The following ORC4 variants were observed in gnomAD, a reference collection of about 807,000 sequenced individuals.
ORC4 encodes the protein origin recognition complex subunit 4, also known as origin recognition complex, subunit 4 homolog.
A neutral mutation model predicts 63.9 loss-of-function variants in ORC4; 55 were observed. That is an observed-to-expected ratio of 0.86 (90% CI 0.69 to 1.08). The LOEUF (loss-of-function observed/expected upper bound fraction) is 1.08, where lower values mean the gene tolerates loss of function less well. Among genes scored for constraint, ORC4 ranks in the 50% least tolerant of loss-of-function variants. The pLI, the probability that ORC4 is intolerant of heterozygous loss-of-function variation, is 0.00. For missense variants in ORC4, 511 were observed against 504.4 expected (o/e 1.01, Z -0.13); for synonymous variants, 150 against 168.5 (o/e 0.89, Z 0.85).
At chr2:147,935,824 C>T (rs974701694) in intron 13 of ORC4, 126 bp from the exon 14 acceptor site, 1 of 725,110 alleles carries the variant, frequency 1.4e-6, no homozygotes, top group Middle Eastern at 3.9e-4. Context: ...CAAAATGTAA[C>T]AACAATCAAT....
chr2:147,949,273 A>G (rs577017436), intron 8 of ORC4, among the ~76,000 whole-genome samples: 75 of 152,182 alleles, frequency 4.9e-4, no homozygotes, highest in African/African-American at 1.7e-3. Context: ...TTTGGTAATA[A>G]AAAGGAATAA....
chr2:147,984,174 T>C (rs1312607164), intron 1 of ORC4, among the ~76,000 whole-genome samples: 4 of 152,116 alleles, frequency 2.6e-5, no homozygotes, highest in Admixed American at 2.0e-4. Context: ...CCAGTGTGCC[T>C]AACCTGTCTT....
chr2:147,958,491 A>G, intron 5 of ORC4, 108 bp from the exon 6 acceptor site: 1 of 767,996 alleles, frequency 1.3e-6, no homozygotes, highest in South Asian at 1.6e-5. Flanking sequence ...CTGTGAGTTC[A>G]TATCACTTTC....
At chr2:147,990,731 C>T (rs551660723) in intron 1 of ORC4, among the ~76,000 whole-genome samples, 2 of 152,248 alleles carry the variant, frequency 1.3e-5, no homozygotes, top group South Asian at 4.1e-4. Flanking sequence ...ATTAAAAGGA[C>T]ACAATTTACT....
rs887638476 is a variant in ORC4 at position 148,020,693 on chromosome 2, C to T, written c.-78G>A. The T allele has an allele frequency of 6.6e-6, 1 of 152,532 alleles. No individual in the cohort carries two copies. Among genetic ancestry groups the T allele is most frequent in the Non-Finnish European group, 1.5e-5 (1 of 68,332 alleles). 9.4% of individuals were successfully genotyped at this position (152,532 alleles called of 1,614,324 possible). A position where few individuals can be genotyped will look rare whatever the true frequency, so the allele number is the denominator to read the frequency against. ...GCTTCACCGAATCGCCTGGCCGCGT[C>T]CTCTGCTAGACTTCACCTGCCGCTG... On this transcript the variant is annotated 5_prime_UTR_variant, in exon 1 of 14. Transcript: ENST00000392857.
intron 2 of ORC4, among the ~76,000 whole-genome samples, chr2:147,975,204 C>T (rs570997976): frequency 1.3e-5 from 2 of 152,254 alleles, no homozygotes; most frequent in East Asian, 3.9e-4. Flanking sequence ...CATTTCCCTA[C>T]TAATCTATAA....
At position 147,958,331 on chromosome 2, in the gene ORC4, T is replaced by C. The variant is rs780266719; in HGVS notation, c.354A>G (p.Leu118=). 9.3e-6 allele frequency: 15 copies of C among 1,612,242 alleles called. No individual in the cohort carries two copies. The South Asian group carries it at 1.6e-4, about 18-fold the overall frequency. The part of the protein sequence containing the change: ...KIALKEITRQ[L]NLENVVGDKV... Reference sequence around the variant, plus strand: ...TATCTCCAACTACATTTTCCAGATTTAACTGCCTTGTGATTTCCTTTAGGG... The same window carrying C: ...TATCTCCAACTACATTTTCCAGATTCAACTGCCTTGTGATTTCCTTTAGGG... Residue 118 remains leucine, a synonymous_variant, in exon 6 of 14, where the codon TTA becomes TTG. Coordinates refer to ENST00000392857, the MANE Select transcript of ORC4 (RefSeq NM_181741.4).
Position 147,973,363 on chromosome 2 carries a change from T to C in ORC4, c.134+85A>G. The C allele has an allele frequency of 3.6e-6, 3 of 840,334 alleles. 1 individual carries two copies. In the South Asian group the frequency reaches 4.2e-5, roughly 12 times the overall value. The allele number at this position is 840,334 out of a possible 1,614,324, so 52.1% of individuals were successfully genotyped here. A position where few individuals can be genotyped will look rare whatever the true frequency, so the allele number is the denominator to read the frequency against. The stretch of plus-strand genomic sequence containing the variant: ...AAAAGTGTTTGTTAGCTTTATTTAA[T>C]ATCAAATTTGTACAATAATTTTTGC... On this transcript the variant is annotated intron_variant, in intron 3 of 13. Coordinates refer to ENST00000392857, the MANE Select transcript of ORC4 (RefSeq NM_181741.4).
intron 1 of ORC4, among the ~76,000 whole-genome samples, chr2:147,984,937 G>A (rs1231085163): frequency 6.6e-6 from 1 of 152,102 alleles, no homozygotes; most frequent in African/African-American, 2.4e-5. Flanking sequence ...CAACTGAGGT[G>A]GCTTATTTAT....
At chr2:147,992,868 C>A (rs1669977027) in intron 1 of ORC4, among the ~76,000 whole-genome samples, 1 of 152,158 alleles carries the variant, frequency 6.6e-6, no homozygotes, top group African/African-American at 2.4e-5. Context: ...TCCCTTTCCC[C>A]AAAGCCAGCC....
chr2:147,987,037 AT>A (rs929165898), intron 1 of ORC4, among the ~76,000 whole-genome samples: 35 of 148,440 alleles, frequency 2.4e-4, no homozygotes, highest in African/African-American at 3.2e-4. Context: ...ACTTAAAACT[AT>A]TTTTTTTTTA....
intron 1 of ORC4, among the ~76,000 whole-genome samples, chr2:147,999,963 A>C (rs1692198621): frequency 6.6e-6 from 1 of 151,994 alleles, no homozygotes; most frequent in Non-Finnish European, 1.5e-5. Context: ...TAAGAAAATT[A>C]TACAGAGATC....
Position 147,931,645 on chromosome 2 carries a change from G to T in ORC4, c.*3865C>A, listed in dbSNP as rs1465419261. 6.6e-6 allele frequency: 1 copy of T among 152,110 alleles called. No homozygotes were observed. Among genetic ancestry groups the T allele is most frequent in the East Asian group, 1.9e-4 (1 of 5,188 alleles). 9.4% of individuals were successfully genotyped at this position (152,110 alleles called of 1,614,324 possible). On this transcript the variant is annotated 3_prime_UTR_variant, in exon 14 of 14. Transcript: ENST00000392857. ...GCTTCATCCCTGGGATGCAAGGCTGGTTCAATATACGCAAATCAATGAATG... is the reference window on the plus strand; with the variant it reads ...GCTTCATCCCTGGGATGCAAGGCTGTTTCAATATACGCAAATCAATGAATG...
intron 2 of ORC4, 104 bp downstream of exon 2, chr2:147,975,798 T>C: frequency 1.3e-6 from 1 of 775,656 alleles, no homozygotes. Flanking sequence ...AAAGAGTGAT[T>C]CTTCCTAAAT....
At chr2:147,957,102 TTAATA>T (rs1402525009) in intron 6 of ORC4, among the ~76,000 whole-genome samples, 1 of 147,934 alleles carries the variant, frequency 6.8e-6, no homozygotes, top group Non-Finnish European at 1.5e-5. Context: ...TTTTTATAGA[TTAATA>T]TATTATATTA....
chr2:147,935,833 A>G, intron 13 of ORC4, 135 bp from the exon 14 acceptor site: 2 of 687,594 alleles, frequency 2.9e-6, no homozygotes, highest in South Asian at 1.7e-5. Flanking sequence ...ACAACAATCA[A>G]TAGGATTAAA....
intron 1 of ORC4, among the ~76,000 whole-genome samples, chr2:147,998,350 G>A (rs768870658): frequency 1.3e-5 from 2 of 152,180 alleles, no homozygotes; most frequent in Non-Finnish European, 2.9e-5. Flanking sequence ...ATATTGAAAG[G>A]TGAGGCCTAG....
At chr2:148,019,721 CAT>C (rs1428644268) in intron 1 of ORC4, among the ~76,000 whole-genome samples, 2 of 152,104 alleles carry the variant, frequency 1.3e-5, no homozygotes, top group Non-Finnish European at 2.9e-5. Flanking sequence ...CTTTACAAAA[CAT>C]ATTGAGACTG....
intron 10 of ORC4, 40 bp from the exon 11 acceptor site, chr2:147,939,288 A>G (rs749465727): frequency 3.8e-6 from 5 of 1,307,932 alleles, no homozygotes; most frequent in South Asian, 1.2e-5. Flanking sequence ...ACGTATTTAC[A>G]TGGGCATTTT....
Sources: allele counts gnomAD v4.1 joint callset (sites outside exome capture counted in the v4.1 genomes callset), GRCh38; gene constraint gnomAD v4.1.1; transcripts MANE v1.5; gene names NCBI Gene and HGNC (gene_info 2026-07-23, HGNC 2026-07-21).